Variants in CAMK1D observed in about 807,000 individuals in gnomAD.
The protein encoded by CAMK1D is calcium/calmodulin dependent protein kinase ID, also known as calcium/calmodulin-dependent protein kinase type 1D.
A neutral mutation model predicts 47.7 loss-of-function variants in CAMK1D; 9 were observed. That is an observed-to-expected ratio of 0.19 (90% CI 0.11 to 0.33). The LOEUF (loss-of-function observed/expected upper bound fraction) is 0.33, where lower values mean the gene tolerates loss of function less well. CAMK1D is among the 10% of genes least tolerant of loss of function. The pLI is 1.00. For missense variants in CAMK1D, 291 were observed against 488.7 expected (o/e 0.60, Z 3.81); for synonymous variants, 184 against 184.9 (o/e 0.99, Z 0.04).
At chr10:12,569,592 G>GTAGTC (rs1837254387) in intron 2 of CAMK1D, among the ~76,000 whole-genome samples, 2 of 151,444 alleles carry the variant, frequency 1.3e-5, no homozygotes, top group Admixed American at 6.6e-5. Context: ...GGTGGCGGGC[G>GTAGTC]CCTGTAGTCC....
At position 12,520,300 on chromosome 10, in the gene CAMK1D, G is replaced by A. The variant is rs1408443622; in HGVS notation, c.93-32925G>A. 6.8e-5 allele frequency among the ~76,000 whole-genome samples: 6 copies of A among 88,142 alleles called. 2 individuals carry two copies. Among genetic ancestry groups the A allele is most frequent in the East Asian group, 3.4e-4 (1 of 2,940 alleles). 57.8% of individuals were successfully genotyped at this position (88,142 alleles called of 152,430 possible). On this transcript the variant is annotated intron_variant, in intron 1 of 10. Coordinates refer to ENST00000619168, the MANE Select transcript of CAMK1D (RefSeq NM_153498.4). ...CTCCTCACATCCTAGACAGGGCGGC[G>A]GGGCAGAGGCGCTCCCCACTCAGAC...
intron 1 of CAMK1D, among the ~76,000 whole-genome samples, chr10:12,550,051 C>T (rs1836527623): frequency 6.6e-6 from 1 of 152,198 alleles, no homozygotes; most frequent in Non-Finnish European, 1.5e-5. Flanking sequence ...GAAGGAGCAC[C>T]TGTGGATGGA....
At chr10:12,388,740 A>T (rs1433947036) in intron 1 of CAMK1D, among the ~76,000 whole-genome samples, 1 of 152,202 alleles carries the variant, frequency 6.6e-6, no homozygotes, top group Non-Finnish European at 1.5e-5. Context: ...ACCTGGGGCT[A>T]GAGGCTCCAG....
chr10:12,695,941 G>C (rs561987253), intron 3 of CAMK1D, among the ~76,000 whole-genome samples: 1 of 152,162 alleles, frequency 6.6e-6, no homozygotes, highest in East Asian at 1.9e-4. Flanking sequence ...AGCTGGGCCT[G>C]GTGGCGGACG....
At position 12,449,035 on chromosome 10, in the gene CAMK1D, T is replaced by C. The variant is rs539907950; in HGVS notation, c.92+99125T>C. Among the ~76,000 whole-genome samples the C allele has an allele frequency of 1.4e-4, 22 of 152,324 alleles. No individual in the cohort carries two copies. The South Asian group carries it at 3.9e-3, about 27-fold the overall frequency. ...TGGTACACAGCAAGCGGTTTGTGAT[T>C]GTTATTGTATGATTCTATCCAGATT... On this transcript the variant is annotated intron_variant, in intron 1 of 10. Transcript: ENST00000619168.
At chr10:12,717,731 G>GAAAAAAAAAAAAAAAAAAAA (rs11289567) in intron 3 of CAMK1D, among the ~76,000 whole-genome samples, 1 of 121,194 alleles carries the variant, frequency 8.3e-6, no homozygotes. Context: ...ACAAAAAATT[G>GAAAAAAAAAAAAAAAAAAAA]AAAAAAAAAA....
intron 2 of CAMK1D, among the ~76,000 whole-genome samples, chr10:12,659,868 TCCCAGACTAGAC>T (rs1030923630): frequency 3.3e-5 from 5 of 152,186 alleles, no homozygotes; most frequent in Non-Finnish European, 7.3e-5. Context: ...GAGAGGCCTT[TCCCAGACTAGAC>T]TGTAAACCCG....
intron 1 of CAMK1D, among the ~76,000 whole-genome samples, chr10:12,439,348 A>G (rs1207383937): frequency 6.6e-6 from 1 of 152,228 alleles, no homozygotes; most frequent in African/African-American, 2.4e-5. Context: ...TGGAGGCCAG[A>G]CAGGGAGAGC....
At chr10:12,559,443 T>C (rs1207167534) in intron 2 of CAMK1D, among the ~76,000 whole-genome samples, 1 of 152,174 alleles carries the variant, frequency 6.6e-6, no homozygotes, top group Non-Finnish European at 1.5e-5. Flanking sequence ...ATCAGTGTGA[T>C]GTCAGAACAA....
chr10:12,725,787 C>G (rs1226065054), intron 3 of CAMK1D, among the ~76,000 whole-genome samples: 1 of 152,100 alleles, frequency 6.6e-6, no homozygotes, highest in African/African-American at 2.4e-5. Context: ...GCTGGAGTCT[C>G]ACTCTGTTGC....
intron 3 of CAMK1D, among the ~76,000 whole-genome samples, chr10:12,708,475 T>C (rs767166418): frequency 4.6e-5 from 7 of 152,154 alleles, no homozygotes; most frequent in Non-Finnish European, 1.0e-4. Flanking sequence ...TGGATCTCAA[T>C]ATAGAATAAT....
intron 3 of CAMK1D, among the ~76,000 whole-genome samples, chr10:12,701,147 T>C (rs1432871058): frequency 2.0e-5 from 3 of 151,780 alleles, no homozygotes; most frequent in Admixed American, 2.0e-4. Flanking sequence ...GAATTTACTC[T>C]TGTCACCCAG....
At chr10:12,739,957 T>G (rs999464032) in intron 3 of CAMK1D, among the ~76,000 whole-genome samples, 5 of 152,234 alleles carry the variant, frequency 3.3e-5, no homozygotes, top group African/African-American at 9.6e-5. Flanking sequence ...GTCAAAGATT[T>G]ACTGTAGTAA....
chr10:12,796,545 G>C (rs1449327474), intron 6 of CAMK1D, among the ~76,000 whole-genome samples: 1 of 152,144 alleles, frequency 6.6e-6, no homozygotes, highest in African/African-American at 2.4e-5. Context: ...TTGACAGCTG[G>C]CTCTTGATGG....
chr10:12,544,593 A>G (rs1485403755), intron 1 of CAMK1D, among the ~76,000 whole-genome samples: 2 of 152,144 alleles, frequency 1.3e-5, no homozygotes, highest in Non-Finnish European at 2.9e-5. Context: ...AAGGACTCAA[A>G]TAATTTTTAT....
intron 3 of CAMK1D, among the ~76,000 whole-genome samples, chr10:12,720,835 C>T (rs1045295629): frequency 6.6e-6 from 1 of 152,202 alleles, no homozygotes; most frequent in Non-Finnish European, 1.5e-5. Flanking sequence ...GTGCCTTGTC[C>T]TCCCTCAGTC....
intron 1 of CAMK1D, among the ~76,000 whole-genome samples, chr10:12,501,779 C>T (rs1003625745): frequency 6.6e-6 from 1 of 152,108 alleles, no homozygotes; most frequent in African/African-American, 2.4e-5. Flanking sequence ...GCACAGCCTC[C>T]CCACCCTAAA....
chr10:12,412,709 A>AG (rs1564323710), intron 1 of CAMK1D, among the ~76,000 whole-genome samples: 1 of 151,260 alleles, frequency 6.6e-6, no homozygotes, highest in African/African-American at 2.4e-5. Flanking sequence ...AAAAAAAAAA[A>AG]AAAAGAGTGG....
chr10:12,749,518 A>G (rs117982171), intron 3 of CAMK1D, among the ~76,000 whole-genome samples: 1,997 of 149,194 alleles, frequency 0.013, 33 homozygotes, highest in Middle Eastern at 0.049. Flanking sequence ...ACACATAGAA[A>G]GTGTGGATGT....
Sources: gnomAD v4.1 joint callset for allele counts (sites outside exome capture counted in the v4.1 genomes callset) on GRCh38, gnomAD v4.1.1 for gene constraint, MANE v1.5 for transcripts, NCBI Gene and HGNC (gene_info 2026-07-23, HGNC 2026-07-21) for gene names.